P4HA1: variants seen among roughly 807,000 people sequenced by gnomAD.
P4HA1 encodes prolyl 4-hydroxylase subunit alpha-1.
Under a neutral mutation model 72.8 loss-of-function variants are expected in P4HA1, and 24 were observed. The ratio of observed to expected loss-of-function variants is 0.33; its 90% CI spans 0.24 to 0.46. The LOEUF (loss-of-function observed/expected upper bound fraction) is 0.46. Among genes scored for constraint, P4HA1 ranks in the 20% least tolerant of loss-of-function variants. P4HA1 has a pLI of 1.00. For synonymous variants in P4HA1, 201 were observed against 218.8 expected, an observed-to-expected ratio of 0.92 and a Z score of 0.72; for missense variants, 446 against 640.6, an observed-to-expected ratio of 0.70 and a Z score of 3.28.
intron 9 of P4HA1, among the ~76,000 whole-genome samples, chr10:73,039,854 C>CTTTTT (rs765288935): frequency 2.5e-4 from 22 of 86,996 alleles, no homozygotes; most frequent in South Asian, 9.4e-4. Context: ...CTGAGATGGC[C>CTTTTT]TTTTTTTTTT....
chr10:73,072,022 G>A lies in P4HA1; in HGVS notation c.325+7C>T. ...ATTACCTTACTCAGGAATCTCTTCA[G>A]ACTTACCATCTGACATATCCTTAAG... On this transcript the variant is annotated splice_region_variant and intron_variant, in intron 4 of 14. Transcript: ENST00000394890. The A allele has an allele frequency of 6.2e-7, 1 of 1,601,880 alleles. No homozygotes were observed. Among genetic ancestry groups the A allele is most frequent in the Non-Finnish European group, 8.5e-7 (1 of 1,171,190 alleles).
chr10:73,015,410 C>T (rs905306064), intron 11 of P4HA1, among the ~76,000 whole-genome samples: 2 of 152,058 alleles, frequency 1.3e-5, no homozygotes, highest in Non-Finnish European at 2.9e-5. Context: ...ACCAAAAGTC[C>T]AAAATGCAAA....
intron 1 of P4HA1, among the ~76,000 whole-genome samples, chr10:73,091,772 G>T (rs2394928): frequency 0.16 from 23,690 of 152,004 alleles, 3,045 homozygotes; most frequent in African/African-American, 0.33. Context: ...TAACTGACTC[G>T]GCAGAGATGA....
intron 7 of P4HA1, among the ~76,000 whole-genome samples, chr10:73,047,501 A>C (rs1347101293): frequency 6.6e-6 from 1 of 150,942 alleles, no homozygotes; most frequent in Non-Finnish European, 1.5e-5. Flanking sequence ...TTCTAGAAGA[A>C]AAAAAAAACT....
chr10:73,054,582 T>C (rs1372195565), intron 5 of P4HA1, among the ~76,000 whole-genome samples: 3 of 152,224 alleles, frequency 2.0e-5, no homozygotes, highest in Admixed American at 2.0e-4. Context: ...TAAGTTTCTA[T>C]GTGAACATGT....
chr10:73,077,277 G>A (rs1228018536), intron 1 of P4HA1, among the ~76,000 whole-genome samples: 1 of 152,228 alleles, frequency 6.6e-6, no homozygotes, highest in African/African-American at 2.4e-5. Context: ...GTTAACAGAA[G>A]GCTAATCACA....
At chr10:73,019,730 G>GGAAAAAAA (rs764487873) in intron 10 of P4HA1, among the ~76,000 whole-genome samples, 3 of 65,224 alleles carry the variant, frequency 4.6e-5, no homozygotes, top group South Asian at 1.9e-3. Context: ...CTCTGTCTCA[G>GGAAAAAAA]AAAAAAAAAA....
chr10:73,062,418 C>T (rs1385732599), intron 5 of P4HA1, among the ~76,000 whole-genome samples: 1 of 151,738 alleles, frequency 6.6e-6, no homozygotes, highest in Non-Finnish European at 1.5e-5. Context: ...CAAGCCTACA[C>T]AAGAAAATAT....
In P4HA1 at chr10:73,072,154, G is replaced by A; in HGVS notation, c.200C>T (p.Thr67Ile). The A allele has an allele frequency of 6.2e-7, 1 of 1,612,806 alleles. No homozygotes were observed. The highest frequency in any genetic ancestry group is 1.1e-5 in the South Asian group (1 of 90,954). The change falls in exon 4 of 15, where the codon ACT (threonine) becomes ATT (isoleucine). Residue 67 changes from threonine (T) to isoleucine (I), a missense_variant. Physicochemically the swap from Thr to Ile is moderately conservative, Grantham distance 89. Transcript: ENST00000394890. ...TTCTGGATCTTTTGTCGCTGTACTA[G>A]TTAGCCGATCTAACTTCTCTGCCCA... is the stretch of plus-strand genomic sequence containing the variant. ...KKWAEKLDRLTSTATKDPEGF... is the reference protein window; with the variant it reads ...KKWAEKLDRLISTATKDPEGF...
At chr10:73,075,405 A>G (rs989607512) in intron 1 of P4HA1, among the ~76,000 whole-genome samples, 5 of 152,158 alleles carry the variant, frequency 3.3e-5, no homozygotes, top group African/African-American at 1.2e-4. Flanking sequence ...CAACGCACCC[A>G]TATTAGATAA....
intron 9 of P4HA1, among the ~76,000 whole-genome samples, chr10:73,031,710 G>T (rs1022128449): frequency 6.6e-6 from 1 of 152,100 alleles, no homozygotes; most frequent in Non-Finnish European, 1.5e-5. Context: ...AAATGTTCTG[G>T]AACTAGACAT....
chr10:73,076,766 T>C (rs552583518), intron 1 of P4HA1, among the ~76,000 whole-genome samples: 1 of 152,308 alleles, frequency 6.6e-6, no homozygotes, highest in East Asian at 1.9e-4. Flanking sequence ...ACAGTATAGT[T>C]TGCCCCAGTA....
intron 10 of P4HA1, among the ~76,000 whole-genome samples, chr10:73,019,746 A>AAAAAAAAAAT (rs1840091785): frequency 6.7e-6 from 1 of 150,266 alleles, no homozygotes. Flanking sequence ...AAAAAAAAAA[A>AAAAAAAAAAT]AGAATTCAAT....
At chr10:73,016,792 C>T (rs1840015459) in intron 11 of P4HA1, 54 bp downstream of exon 11, 1 of 1,320,478 alleles carries the variant, frequency 7.6e-7, no homozygotes, top group Admixed American at 1.7e-5. Flanking sequence ...TGTTTTGAGA[C>T]AAACAATGTA....
At chr10:73,092,006 G>T (rs1015248593) in intron 1 of P4HA1, among the ~76,000 whole-genome samples, 1 of 152,062 alleles carries the variant, frequency 6.6e-6, no homozygotes, top group African/African-American at 2.4e-5. Context: ...AGGCTATTCT[G>T]TCAAAATTCC....
chr10:73,015,547 C>T (rs1175015352), intron 11 of P4HA1, among the ~76,000 whole-genome samples: 1 of 152,188 alleles, frequency 6.6e-6, no homozygotes, highest in Non-Finnish European at 1.5e-5. Flanking sequence ...CAGACAGTTC[C>T]CCATAAGGCT....
chr10:73,014,159 A>T, intron 12 of P4HA1, 65 bp downstream of exon 12: 1 of 1,092,350 alleles, frequency 9.2e-7, no homozygotes, highest in East Asian at 2.3e-5. Flanking sequence ...GAACAAACTT[A>T]AAACATTAAA....
In P4HA1 at chr10:73,093,443, CA is replaced by C. The variant is rs564614090; in HGVS notation, c.-33+3322del. On this transcript the variant is annotated intron_variant, in intron 1 of 14. Transcript: ENST00000394890. ...CTAAATGAGAGTCCTTTTGAATTGC[CA>C]AAGCTTTTCTTTAGGTACAATACTT... Among the ~76,000 whole-genome samples the C allele has an allele frequency of 2.8e-3, 425 of 152,136 alleles. 2 individuals are homozygous for C. The highest frequency in any genetic ancestry group is 9.8e-3 in the African/African-American group (408 of 41,512).
intron 9 of P4HA1, among the ~76,000 whole-genome samples, chr10:73,044,197 T>G (rs1467057060): frequency 2.0e-5 from 3 of 152,180 alleles, no homozygotes; most frequent in Admixed American, 6.5e-5. Flanking sequence ...TTCACTTTTT[T>G]TAAACAAAAA....
Sources: allele counts gnomAD v4.1 joint callset (sites outside exome capture counted in the v4.1 genomes callset), GRCh38; gene constraint gnomAD v4.1.1; transcripts MANE v1.5; gene names NCBI Gene and HGNC (gene_info 2026-07-23, HGNC 2026-07-21).